PCNX1: variants seen among roughly 807,000 people sequenced by gnomAD.
PCNX1 encodes the protein pecanex-like protein 1.
Under a neutral mutation model 242.2 loss-of-function variants are expected in PCNX1, and 78 were observed. The ratio of observed to expected loss-of-function variants is 0.32; its 90% CI spans 0.27 to 0.39. The LOEUF (loss-of-function observed/expected upper bound fraction) is 0.39. Ranked by LOEUF, PCNX1 falls within the 10% of genes least tolerant of loss-of-function variation. The pLI, the probability that PCNX1 is intolerant of heterozygous loss-of-function variation, is 1.00. For synonymous variants in PCNX1, 1,024 were observed against 1,032.9 expected (o/e 0.99, Z 0.17); for missense variants, 2,581 against 2,856.5 (o/e 0.90, Z 2.20).
chr14:70,952,546 A>T (rs1256481262), intron 2 of PCNX1, among the ~76,000 whole-genome samples: 1 of 152,126 alleles, frequency 6.6e-6, no homozygotes. Context: ...AGGACATCCT[A>T]AGAGAATCAT....
intron 2 of PCNX1, among the ~76,000 whole-genome samples, chr14:70,953,902 A>G (rs1434893359): frequency 6.6e-6 from 1 of 151,836 alleles, no homozygotes; most frequent in Non-Finnish European, 1.5e-5. Context: ...TCCTGACCTC[A>G]GGTGATCCAC....
In PCNX1 at chr14:71,050,635, T is replaced by C; in HGVS notation, c.4339-17T>C. On this transcript the variant is annotated splice_polypyrimidine_tract_variant and intron_variant, in intron 22 of 35. Transcript: ENST00000304743. The stretch of plus-strand genomic sequence containing the variant: ...GTTTTTTTTTTTTTACTGACAGCCA[T>C]TCTTTTCCTCCTGCAGCTTTGGGAA... The C allele has an allele frequency of 6.5e-7, 1 of 1,548,352 alleles. No homozygotes were observed. Among genetic ancestry groups the C allele is most frequent in the Non-Finnish European group, 8.7e-7 (1 of 1,151,084 alleles).
chr14:70,948,057 C>A (rs992057830), intron 2 of PCNX1, among the ~76,000 whole-genome samples: 4 of 152,222 alleles, frequency 2.6e-5, no homozygotes, highest in African/African-American at 9.6e-5. Context: ...GCTCTTGAAC[C>A]CTGTTTCCTG....
At chr14:71,028,498 AC>A (rs2140892852) in intron 15 of PCNX1, among the ~76,000 whole-genome samples, 1 of 152,132 alleles carries the variant, frequency 6.6e-6, no homozygotes, top group South Asian at 2.1e-4. Flanking sequence ...TTATCTCGTA[AC>A]AAAGACTCAG....
At chr14:70,988,821 A>C in intron 7 of PCNX1, 122 bp downstream of exon 7, 1 of 1,258,810 alleles carries the variant, frequency 7.9e-7, no homozygotes, top group Non-Finnish European at 1.1e-6. Flanking sequence ...TTTCTTTCCT[A>C]TACATTTAAG....
At chr14:70,914,634 C>T (rs369196828) in intron 1 of PCNX1, among the ~76,000 whole-genome samples, 2 of 152,148 alleles carry the variant, frequency 1.3e-5, no homozygotes, top group South Asian at 4.1e-4. Flanking sequence ...AATTTTCAAA[C>T]ATATAGGAAA....
intron 28 of PCNX1, among the ~76,000 whole-genome samples, chr14:71,082,251 A>G (rs1397460046): frequency 2.0e-5 from 3 of 152,148 alleles, no homozygotes; most frequent in Admixed American, 6.5e-5. Flanking sequence ...GTTCTCTTGC[A>G]TTTGCTGAGG....
chr14:70,949,233 G>GTATATATACACA (rs2057637096), intron 2 of PCNX1, among the ~76,000 whole-genome samples: 1 of 138,910 alleles, frequency 7.2e-6, no homozygotes, highest in Non-Finnish European at 1.6e-5. Context: ...ATATATGTAT[G>GTATATATACACA]TGTATATACA....
rs143699994 is a variant in PCNX1, at chr14:70,996,476, G to C, written c.2629+551G>C. ...AATAACTTTATAAAGTTTATTTCTT[G>C]TTCTTGTCAATATATCTATAAACAT... On this transcript the variant is annotated intron_variant, in intron 8 of 35. Coordinates refer to ENST00000304743, the MANE Select transcript of PCNX1 (RefSeq NM_014982.3). 3.0e-3 allele frequency among the ~76,000 whole-genome samples: 451 copies of C among 152,148 alleles called. 6 individuals are homozygous for C. The highest frequency in any genetic ancestry group is 7.9e-4 in the Non-Finnish European group (54 of 67,952).
intron 26 of PCNX1, among the ~76,000 whole-genome samples, chr14:71,068,429 T>C (rs1325943019): frequency 6.9e-6 from 1 of 145,170 alleles, no homozygotes; most frequent in Admixed American, 6.9e-5. Flanking sequence ...TATGTATATG[T>C]ATATATGTAT....
In PCNX1 at chr14:71,090,303, A is replaced by G. The variant is rs1037867896; in HGVS notation, c.5589+961A>G. Among the ~76,000 whole-genome samples, 109 of 152,214 alleles carry G rather than the reference A, an allele frequency of 7.2e-4. 4 individuals carry two copies. The highest frequency in any genetic ancestry group is 2.9e-5 in the Non-Finnish European group (2 of 68,034). On this transcript the variant is annotated intron_variant, in intron 30 of 35. Coordinates refer to ENST00000304743, the MANE Select transcript of PCNX1 (RefSeq NM_014982.3). ...GTACTGGCACTTGTTCCTCCATTCC[A>G]CTGGACAGTAGTTATCAGATCTGAT...
At chr14:71,010,114 T>C (rs1479861758) in intron 9 of PCNX1, among the ~76,000 whole-genome samples, 1 of 152,070 alleles carries the variant, frequency 6.6e-6, no homozygotes, top group African/African-American at 2.4e-5. Context: ...TTCTAAAAAC[T>C]TAAGGTAGAA....
Position 71,103,640 on chromosome 14 carries a change from C to G in PCNX1, c.6066C>G (p.Ile2022Met). 1.9e-6 allele frequency: 3 copies of G among 1,614,066 alleles called. No individual in the cohort carries two copies. The highest frequency in any genetic ancestry group is 2.5e-6 in the Non-Finnish European group (3 of 1,179,984). The change falls in exon 32 of 36, where the codon ATC becomes ATG. Residue 2022 changes from isoleucine (I) to methionine (M), a missense_variant. By Grantham distance (10) the Ile-to-Met change is conservative (BLOSUM62 1). This residue lies in a region of PCNX1 where 432 missense variants were observed against 433.6 expected (regional missense o/e 1.00). Coordinates refer to ENST00000304743, the MANE Select transcript of PCNX1 (RefSeq NM_014982.3). ...GGGGTCCTATCAGCTTGGGAAATAT[C>G]AGGAACTTCATAGTGTCAACCTGGC... ...ILGGPISLGN[I>M]RNFIVSTWHR... is the part of the protein sequence containing the mutation.
intron 28 of PCNX1, among the ~76,000 whole-genome samples, chr14:71,084,236 G>A (rs2061927894): frequency 6.6e-6 from 1 of 152,206 alleles, no homozygotes; most frequent in South Asian, 2.1e-4. Flanking sequence ...GTCCCAGAGG[G>A]GCACCCGGCA....
intron 26 of PCNX1, among the ~76,000 whole-genome samples, chr14:71,068,644 A>G (rs1296231022): frequency 7.1e-6 from 1 of 140,322 alleles, no homozygotes; most frequent in Non-Finnish European, 1.5e-5. Flanking sequence ...ATATACATAT[A>G]TTGTTGCATG....
chr14:71,070,411 C>T (rs1348368600), intron 26 of PCNX1, among the ~76,000 whole-genome samples: 1 of 152,218 alleles, frequency 6.6e-6, no homozygotes, highest in Non-Finnish European at 1.5e-5. Context: ...CCAGACTCAT[C>T]AGAGGAATCC....
intron 9 of PCNX1, among the ~76,000 whole-genome samples, chr14:71,010,368 A>C (rs2059790457): frequency 6.6e-6 from 1 of 152,018 alleles, no homozygotes; most frequent in African/African-American, 2.4e-5. Flanking sequence ...TCTTTATGTA[A>C]TTTTAAAATT....
chr14:70,966,034 ATAAT>A (rs1173855223), intron 3 of PCNX1, among the ~76,000 whole-genome samples: 11 of 152,214 alleles, frequency 7.2e-5, no homozygotes, highest in Admixed American at 6.5e-5. Context: ...AATCTATGTC[ATAAT>A]TGATTGTATC....
intron 8 of PCNX1, among the ~76,000 whole-genome samples, chr14:70,999,839 A>G (rs1435886509): frequency 2.0e-5 from 3 of 152,170 alleles, no homozygotes; most frequent in African/African-American, 7.2e-5. Context: ...GACTTTTATT[A>G]GAGTTAGTCT....
Sources: allele counts gnomAD v4.1 joint callset (sites outside exome capture counted in the v4.1 genomes callset), GRCh38; gene constraint gnomAD v4.1.1; regional missense constraint gnomAD v4.1.1; transcripts MANE v1.5; gene names NCBI Gene and HGNC (gene_info 2026-07-23, HGNC 2026-07-21).